CCNE1: variants seen among roughly 807,000 people sequenced by gnomAD.
CCNE1 encodes G1/S-specific cyclin-E1.
CCNE1 carries 8 observed loss-of-function variants against 54.1 expected under a neutral mutation model. That is an observed-to-expected ratio of 0.15 (90% CI 0.09 to 0.27). The LOEUF is 0.27. Among genes scored for constraint, CCNE1 ranks in the 10% least tolerant of loss-of-function variants. CCNE1 has a pLI of 1.00. For synonymous variants in CCNE1, 179 were observed against 185.2 expected (o/e 0.97, Z 0.27); for missense variants, 430 against 514.9 (o/e 0.84, Z 1.60).
In CCNE1 at chr19:29,817,504, C is replaced by G. The variant is rs1286018059; in HGVS notation, c.425C>G (p.Pro142Arg). ...CTTGAGCAACACCCTCTTCTGCAGC[C>G]AAAAATGCGAGCAATTCTTCTGGAT... The part of the protein sequence containing the change: ...HFLEQHPLLQ[P>R]KMRAILLDWL... Residue 142 changes from proline to arginine, a missense_variant, in exon 6 of 12, where the codon CCA becomes CGA. Coordinates refer to ENST00000262643, the MANE Select transcript of CCNE1 (RefSeq NM_001238.4). 6.2e-7 allele frequency: 1 copy of G among 1,614,150 alleles called. No homozygotes were observed. The highest frequency in any genetic ancestry group is 8.5e-7 in the Non-Finnish European group (1 of 1,180,010).
intron 8 of CCNE1, 66 bp from the exon 9 acceptor site, chr19:29,821,930 G>A: frequency 6.4e-7 from 1 of 1,558,374 alleles, no homozygotes; most frequent in Non-Finnish European, 8.8e-7. Flanking sequence ...TTGTGGCATG[G>A]AACATGGCTG....
intron 1 of CCNE1, 118 bp from the exon 2 acceptor site, chr19:29,812,414 A>T (rs2145714109): frequency 3.2e-6 from 2 of 616,984 alleles, no homozygotes; most frequent in Non-Finnish European, 4.5e-6. Context: ...CGCGGGTGAC[A>T]GGCCACCCCG....
chr19:29,821,260 G>T (rs1974139310), intron 7 of CCNE1, among the ~76,000 whole-genome samples: 1 of 152,134 alleles, frequency 6.6e-6, no homozygotes, highest in Non-Finnish European at 1.5e-5. Context: ...GGTGGCACGT[G>T]CCTGTAATCC....
At chr19:29,814,901 G>A (rs1394291729) in intron 4 of CCNE1, among the ~76,000 whole-genome samples, 4 of 152,224 alleles carry the variant, frequency 2.6e-5, no homozygotes, top group African/African-American at 9.6e-5. Context: ...TTCTATTGAA[G>A]TGGAATCCTG....
rs1286018059 is a variant in CCNE1 at position 29,817,504 on chromosome 19, C to A, written c.425C>A (p.Pro142Gln). The change falls in exon 6 of 12, where the codon CCA becomes CAA. Residue 142 changes from proline to glutamine, a missense_variant. Pro to Gln is a moderately conservative substitution (Grantham distance 76). This residue lies in a region of CCNE1 where 303 missense variants were observed against 401.1 expected (regional missense o/e 0.76). Transcript: ENST00000262643. ...CTTGAGCAACACCCTCTTCTGCAGCCAAAAATGCGAGCAATTCTTCTGGAT... is the reference window on the plus strand; with the variant it reads ...CTTGAGCAACACCCTCTTCTGCAGCAAAAAATGCGAGCAATTCTTCTGGAT... ...HFLEQHPLLQ[P>Q]KMRAILLDWL... The A allele has an allele frequency of 6.2e-7, 1 of 1,614,028 alleles. No individual in the cohort carries two copies. Among genetic ancestry groups the A allele is most frequent in the Non-Finnish European group, 8.5e-7 (1 of 1,180,014 alleles).
intron 6 of CCNE1, 67 bp from the exon 7 acceptor site, chr19:29,820,634 AG>A (rs1974125919): frequency 1.0e-6 from 1 of 971,806 alleles, no homozygotes; most frequent in African/African-American, 2.0e-5. Context: ...AGTCATTACA[AG>A]TTTTTTTTTT....
intron 6 of CCNE1, among the ~76,000 whole-genome samples, chr19:29,818,887 C>T (rs748377502): frequency 5.9e-5 from 9 of 151,972 alleles, no homozygotes; most frequent in Admixed American, 3.3e-4. Context: ...CTCAGGCTCC[C>T]GAGTAGCTGG....
intron 6 of CCNE1, 68 bp downstream of exon 6, chr19:29,817,609 AC>A (rs759239832): frequency 8.4e-6 from 13 of 1,552,596 alleles, no homozygotes; most frequent in Admixed American, 6.7e-5. Flanking sequence ...GTGTATTAGG[AC>A]CTCTGTGTGG....
rs1353606557 is a variant in CCNE1, at chr19:29,823,869, A to G, written c.*92A>G. On this transcript the variant is annotated 3_prime_UTR_variant, in exon 12 of 12. Transcript: ENST00000262643. ...CGGAGGCGTGCGTTTGCTTTTACAG[A>G]TATCTGAATGGAAGAGTGTTTCTTC... 1 of 1,310,008 alleles carries G rather than the reference A, an allele frequency of 7.6e-7. No homozygotes were observed. Among genetic ancestry groups the G allele is most frequent in the Non-Finnish European group, 1.0e-6 (1 of 965,134 alleles). 81.1% of individuals were successfully genotyped at this position (1,310,008 alleles called of 1,614,324 possible). A position where few individuals can be genotyped will look rare whatever the true frequency, so the allele number is the denominator to read the frequency against.
rs1387681682 is a variant in CCNE1 at position 29,812,309 on chromosome 19, G to A, written c.-25+157G>A. 4.7e-5 allele frequency among the ~76,000 whole-genome samples: 7 copies of A among 149,134 alleles called. 1 individual carries two copies. The highest frequency in any genetic ancestry group is 1.7e-4 in the African/African-American group (7 of 41,168). ...AGAGCGCGGCGGGGTGGGGTGGAGG[G>A]GACACTGAGGCAGCCCGGGCCCCGG... is the stretch of plus-strand genomic sequence containing the variant. On this transcript the variant is annotated intron_variant, in intron 1 of 11. Coordinates refer to ENST00000262643, the MANE Select transcript of CCNE1 (RefSeq NM_001238.4).
intron 4 of CCNE1, among the ~76,000 whole-genome samples, chr19:29,814,327 T>G (rs1174107408): frequency 6.6e-6 from 1 of 152,212 alleles, no homozygotes; most frequent in South Asian, 2.1e-4. Flanking sequence ...CAGCTGAAGA[T>G]GAAGCAGGGC....
intron 6 of CCNE1, 58 bp downstream of exon 6, chr19:29,817,599 G>A (rs774297902): frequency 6.3e-7 from 1 of 1,592,514 alleles, no homozygotes; most frequent in Non-Finnish European, 8.6e-7. Flanking sequence ...CAGCATTTTT[G>A]TGTATTAGGA....
chr19:29,812,456 C>T, intron 1 of CCNE1, 76 bp from the exon 2 acceptor site: 1 of 1,052,374 alleles, frequency 9.5e-7, no homozygotes, highest in Non-Finnish European at 1.2e-6. Context: ...CGCCCGGCCG[C>T]CCGCGCGCAA....
chr19:29,818,033 T>G (rs1366932353), intron 6 of CCNE1, among the ~76,000 whole-genome samples: 1 of 149,558 alleles, frequency 6.7e-6, no homozygotes, highest in African/African-American at 2.5e-5. Flanking sequence ...AGTATTTTTT[T>G]TTTTTTTTTT....
chr19:29,812,736 TCTCGG>T lies in CCNE1; in HGVS notation c.76_80del (p.Ala26LeufsTer17). 2 of 1,595,260 alleles carry T rather than the reference TCTCGG, an allele frequency of 1.3e-6. No homozygotes were observed. The highest frequency in any genetic ancestry group is 1.7e-6 in the Non-Finnish European group (2 of 1,172,818). On this transcript the variant is annotated frameshift_variant, in exon 3 of 12. Transcript: ENST00000262643. LOFTEE classifies it high-confidence loss of function. ...ATGAAGGAGGACGGCGGCGCGGAGT[TCTCGG>T]CTCGCTCCAGGAAGAGGAAGGCAAA...
intron 3 of CCNE1, 34 bp from the exon 4 acceptor site, chr19:29,812,935 T>A: frequency 6.2e-7 from 1 of 1,613,370 alleles, no homozygotes; most frequent in South Asian, 1.1e-5. Flanking sequence ...GTTTGGTGTG[T>A]TTCCTTGGGG....
At chr19:29,815,639 T>C (rs1973996192) in intron 4 of CCNE1, among the ~76,000 whole-genome samples, 1 of 141,390 alleles carries the variant, frequency 7.1e-6, no homozygotes, top group Non-Finnish European at 1.5e-5. Context: ...TTTTTTTTTT[T>C]TGGGGGGGGG....
chr19:29,812,678 C>A lies in CCNE1; in HGVS notation c.24-11C>A. Reference sequence around the variant, plus strand: ...GGTGCTCACCCGGCCCGGTGCCACCCGGGTCCACAGGGATGCGAAGGAGCG... The same window carrying A: ...GGTGCTCACCCGGCCCGGTGCCACCAGGGTCCACAGGGATGCGAAGGAGCG... On this transcript the variant is annotated splice_polypyrimidine_tract_variant and intron_variant, in intron 2 of 11. Transcript: ENST00000262643. 1.3e-6 allele frequency: 2 copies of A among 1,579,550 alleles called. No homozygotes were observed. Among genetic ancestry groups the A allele is most frequent in the South Asian group, 1.2e-5 (1 of 86,082 alleles).
At chr19:29,818,750 C>G (rs923002746) in intron 6 of CCNE1, among the ~76,000 whole-genome samples, 3 of 149,804 alleles carry the variant, frequency 2.0e-5, no homozygotes, top group Non-Finnish European at 4.4e-5. Flanking sequence ...GGCAACATAG[C>G]GAGACCCCAT....
Sources: gnomAD v4.1 joint callset for allele counts (sites outside exome capture counted in the v4.1 genomes callset) on GRCh38, gnomAD v4.1.1 for gene constraint, gnomAD v4.1.1 regional missense constraint, MANE v1.5 for transcripts, NCBI Gene and HGNC (gene_info 2026-07-23, HGNC 2026-07-21) for gene names.